SWT1: variants seen among roughly 807,000 people sequenced by gnomAD.
The protein encoded by SWT1 is transcriptional protein SWT1.
SWT1 carries 33 observed loss-of-function variants against 107.3 expected under a neutral mutation model. That is an observed-to-expected ratio of 0.31 (90% CI 0.23 to 0.41). The LOEUF is 0.41. Ranked by LOEUF, SWT1 falls within the 10% of genes least tolerant of loss-of-function variation. The pLI, the probability that SWT1 is intolerant of heterozygous loss-of-function variation, is 1.00. For synonymous variants in SWT1, 345 were observed against 348.3 expected (o/e 0.99, Z 0.11); for missense variants, 898 against 1,028.9 (o/e 0.87, Z 1.74).
intron 14 of SWT1, 145 bp downstream of exon 14, chr1:185,214,800 AAT>A: frequency 3.2e-6 from 2 of 624,990 alleles, no homozygotes; most frequent in Non-Finnish European, 5.2e-6. Context: ...AAGTGAATTG[AAT>A]ACAGAGTAAG....
chr1:185,161,505 A>G (rs527375432), intron 2 of SWT1, among the ~76,000 whole-genome samples: 1 of 151,810 alleles, frequency 6.6e-6, no homozygotes, highest in South Asian at 2.1e-4. Flanking sequence ...GGAGTCTAAG[A>G]CCAGCCTAGG....
chr1:185,287,984 A>T (rs1387220458), intron 18 of SWT1, among the ~76,000 whole-genome samples: 1 of 152,222 alleles, frequency 6.6e-6, no homozygotes, highest in South Asian at 2.1e-4. Flanking sequence ...AAATAGATTC[A>T]AAAGTCTAGT....
intron 16 of SWT1, 123 bp from the exon 17 acceptor site, chr1:185,271,200 C>T: frequency 3.2e-6 from 2 of 616,282 alleles, no homozygotes; most frequent in Non-Finnish European, 5.8e-6. Flanking sequence ...TATTATAAAC[C>T]TGTAAGCTTA....
Position 185,203,464 on chromosome 1 carries a change from C to T in SWT1, c.1669+665C>T, listed in dbSNP as rs370560535. On this transcript the variant is annotated intron_variant, in intron 11 of 18. Coordinates refer to ENST00000367500, the MANE Select transcript of SWT1 (RefSeq NM_017673.7). ...GGAACCCCTGTCTGTACTAAAAATA[C>T]GAAAAAATTCGCCGGGCGTGGTGGC... Among the ~76,000 whole-genome samples the T allele has an allele frequency of 1.1e-4, 17 of 151,610 alleles. No homozygotes were observed. In the South Asian group the frequency reaches 1.5e-3, roughly 13 times the overall value.
intron 16 of SWT1, among the ~76,000 whole-genome samples, chr1:185,246,693 G>C (rs968604037): frequency 3.0e-5 from 4 of 133,642 alleles, no homozygotes; most frequent in Non-Finnish European, 6.2e-5. Flanking sequence ...GCAGTTGTAT[G>C]ATCATAGCTC....
chr1:185,183,049 A>G (rs193011105), intron 7 of SWT1, among the ~76,000 whole-genome samples: 106 of 151,628 alleles, frequency 7.0e-4, no homozygotes, highest in African/African-American at 2.5e-3. Flanking sequence ...AGGCAGGAGA[A>G]TGGCTTGAAC....
At chr1:185,266,667 T>G (rs1373950639) in intron 16 of SWT1, 1 of 151,798 alleles carries the variant, frequency 6.6e-6, no homozygotes. Context: ...GCATGGTCTT[T>G]TTTTTTTTTT....
intron 10 of SWT1, among the ~76,000 whole-genome samples, chr1:185,197,640 T>C (rs989469774): frequency 6.6e-6 from 1 of 152,186 alleles, no homozygotes; most frequent in African/African-American, 2.4e-5. Context: ...CAGAACTTGT[T>C]GTTGGTCTAT....
chr1:185,198,652 T>A (rs1257026924), intron 10 of SWT1, among the ~76,000 whole-genome samples: 1 of 152,194 alleles, frequency 6.6e-6, no homozygotes, highest in Non-Finnish European at 1.5e-5. Flanking sequence ...ATTTAGCTCT[T>A]CTTGTTGCAT....
At chr1:185,189,741 A>T (rs1236254592) in intron 9 of SWT1, among the ~76,000 whole-genome samples, 5 of 151,816 alleles carry the variant, frequency 3.3e-5, no homozygotes, top group Admixed American at 6.6e-5. Flanking sequence ...TCAGAGTTTT[A>T]AAAAAATTAT....
chr1:185,214,366 C>G, intron 13 of SWT1, 141 bp from the exon 14 acceptor site: 1 of 503,304 alleles, frequency 2.0e-6, no homozygotes, highest in Non-Finnish European at 3.4e-6. Context: ...CTTTTTGTAC[C>G]AGAGGGATAA....
intron 4 of SWT1, among the ~76,000 whole-genome samples, chr1:185,173,420 G>A (rs571637920): frequency 1.5e-4 from 23 of 151,732 alleles, no homozygotes; most frequent in African/African-American, 3.9e-4. Flanking sequence ...CAGGTTGGGC[G>A]TAGTGGCTCA....
At chr1:185,263,852 C>A (rs995047311) in intron 16 of SWT1, 4 of 152,188 alleles carry the variant, frequency 2.6e-5, no homozygotes, top group African/African-American at 9.7e-5. Flanking sequence ...CTCTAAATTA[C>A]CTCTGTAAAG....
intron 11 of SWT1, 128 bp downstream of exon 11, chr1:185,202,927 G>A: frequency 2.1e-6 from 1 of 465,150 alleles, no homozygotes; most frequent in Non-Finnish European, 3.6e-6. Context: ...AATACTTGCT[G>A]GCATGTAAGT....
chr1:185,281,581 TGA>T (rs904889646), intron 18 of SWT1: 2 of 233,140 alleles, frequency 8.6e-6, no homozygotes, highest in African/African-American at 4.6e-5. Context: ...TCAGCCCTGA[TGA>T]GTTTGTCAAG....
intron 14 of SWT1, among the ~76,000 whole-genome samples, chr1:185,216,382 T>C (rs536766990): frequency 6.6e-6 from 1 of 152,246 alleles, no homozygotes; most frequent in South Asian, 2.1e-4. Flanking sequence ...CGTCACAAAA[T>C]TGAGTCCTAA....
intron 13 of SWT1, among the ~76,000 whole-genome samples, chr1:185,207,951 G>C (rs944112484): frequency 1.3e-5 from 2 of 152,046 alleles, no homozygotes; most frequent in Non-Finnish European, 2.9e-5. Flanking sequence ...ATTATTAAAG[G>C]TTCAGTTGGT....
intron 16 of SWT1, among the ~76,000 whole-genome samples, chr1:185,241,090 G>T (rs1661226554): frequency 6.6e-6 from 1 of 152,000 alleles, no homozygotes. Flanking sequence ...TTTAGAATAG[G>T]TCATCCTTTA....
At position 185,166,598 on chromosome 1, in the gene SWT1, AAGTTCTACT is replaced by A. The variant is rs1469622377; in HGVS notation, c.117_125del (p.Thr40_Ser42del). On this transcript the variant is annotated inframe_deletion, in exon 3 of 19. Coordinates refer to ENST00000367500, the MANE Select transcript of SWT1 (RefSeq NM_017673.7). ...ACAAGAAAGAGAGAAAAACCCCAGC[AAGTTCTACT>A]AGTTCATCTTCTATAAGATCAGTTT... 6.2e-7 allele frequency: 1 copy of A among 1,606,598 alleles called. No individual in the cohort carries two copies. Among genetic ancestry groups the A allele is most frequent in the Non-Finnish European group, 8.5e-7 (1 of 1,175,296 alleles).
Sources: gnomAD v4.1 joint callset for allele counts (sites outside exome capture counted in the v4.1 genomes callset) on GRCh38, gnomAD v4.1.1 for gene constraint, MANE v1.5 for transcripts, NCBI Gene and HGNC (gene_info 2026-07-23, HGNC 2026-07-21) for gene names.